Variants in EXOC4 observed in about 807,000 individuals in gnomAD.
The protein encoded by EXOC4 is exocyst complex component 4, also known as SEC8-like 1.
EXOC4 carries 71 observed loss-of-function variants against 107.2 expected under a neutral mutation model. That is an observed-to-expected ratio of 0.66 (90% CI 0.55 to 0.81). The LOEUF (loss-of-function observed/expected upper bound fraction) is 0.81, where lower values mean the gene tolerates loss of function less well. Ranked by LOEUF, EXOC4 falls within the 30% of genes least tolerant of loss-of-function variation. EXOC4 has a pLI of 0.00. For missense variants in EXOC4, 1,108 were observed against 1,189.6 expected (o/e 0.93, Z 1.01); for synonymous variants, 456 against 441.2 (o/e 1.03, Z -0.42).
chr7:133,343,941 A>AT (rs1795726169), intron 5 of EXOC4, among the ~76,000 whole-genome samples: 2 of 151,854 alleles, frequency 1.3e-5, no homozygotes, highest in African/African-American at 4.8e-5. Context: ...AGCCTCCCAG[A>AT]TAGCACTACA....
chr7:133,276,546 T>C lies in EXOC4; in HGVS notation c.276+1375T>C, dbSNP rs1348987643. On this transcript the variant is annotated intron_variant, in intron 2 of 17. Coordinates refer to ENST00000253861, the MANE Select transcript of EXOC4 (RefSeq NM_021807.4). ...TTTTAAAGCAGCAGAAACTTTTTTT[T>C]TTAATGTGATATTTTGCAGAATACC... Among the ~76,000 whole-genome samples the C allele has an allele frequency of 1.3e-4, 20 of 152,290 alleles. No individual in the cohort carries two copies. The East Asian group carries it at 3.7e-3, about 28-fold the overall frequency.
chr7:133,370,947 A>AT (rs1796362514), intron 6 of EXOC4, among the ~76,000 whole-genome samples: 1 of 152,152 alleles, frequency 6.6e-6, no homozygotes, highest in African/African-American at 2.4e-5. Flanking sequence ...AGTTGGGAGA[A>AT]TTTTTTTCAT....
Position 133,312,884 on chromosome 7 carries a change from T to C in EXOC4, c.657-4400T>C, listed in dbSNP as rs1231356145. 2.0e-5 allele frequency among the ~76,000 whole-genome samples: 3 copies of C among 152,102 alleles called. No individual in the cohort carries two copies. The South Asian group carries it at 6.2e-4, about 31-fold the overall frequency. The stretch of plus-strand genomic sequence containing the variant: ...AAGAATTTACACCTTTATAATCGGA[T>C]AAAATTAGTAAAAAGTTGTTTAAAA... On this transcript the variant is annotated intron_variant, in intron 4 of 17. Coordinates refer to ENST00000253861, the MANE Select transcript of EXOC4 (RefSeq NM_021807.4).
chr7:133,384,098 C>T (rs536283483), intron 7 of EXOC4, among the ~76,000 whole-genome samples: 3 of 152,274 alleles, frequency 2.0e-5, no homozygotes, highest in African/African-American at 7.2e-5. Flanking sequence ...AGGGAGATTC[C>T]TCTGGCTTCT....
At chr7:134,024,739 C>T (rs911975563) in intron 17 of EXOC4, among the ~76,000 whole-genome samples, 1 of 152,158 alleles carries the variant, frequency 6.6e-6, no homozygotes, top group Non-Finnish European at 1.5e-5. Flanking sequence ...CTCAGCTTCG[C>T]CCATCAGATG....
intron 10 of EXOC4, among the ~76,000 whole-genome samples, chr7:133,719,114 G>A (rs919313208): frequency 3.9e-5 from 6 of 152,292 alleles, no homozygotes; most frequent in Non-Finnish European, 8.8e-5. Flanking sequence ...TCTTTCTCAT[G>A]CTGTTCTCTC....
At chr7:133,958,640 A>C (rs1800871278) in intron 14 of EXOC4, among the ~76,000 whole-genome samples, 1 of 152,190 alleles carries the variant, frequency 6.6e-6, no homozygotes, top group Non-Finnish European at 1.5e-5. Context: ...AAAGTTAGAG[A>C]ATTGGCATAG....
At chr7:133,946,844 C>CT (rs1800563074) in intron 14 of EXOC4, among the ~76,000 whole-genome samples, 1 of 152,182 alleles carries the variant, frequency 6.6e-6, no homozygotes, top group South Asian at 2.1e-4. Context: ...AGAGTTACCC[C>CT]TTTTTTAAAA....
At chr7:133,454,240 G>T (rs992414288) in intron 7 of EXOC4, among the ~76,000 whole-genome samples, 1 of 152,058 alleles carries the variant, frequency 6.6e-6, no homozygotes, top group Non-Finnish European at 1.5e-5. Flanking sequence ...CATACTAAAA[G>T]AACCTTTTGT....
chr7:134,038,029 A>G (rs1475007807), intron 17 of EXOC4, among the ~76,000 whole-genome samples: 1 of 152,208 alleles, frequency 6.6e-6, no homozygotes, highest in East Asian at 1.9e-4. Flanking sequence ...TTACCTTTAA[A>G]AGGTCAAGAC....
At chr7:133,787,773 T>G (rs1796606195) in intron 10 of EXOC4, among the ~76,000 whole-genome samples, 1 of 151,002 alleles carries the variant, frequency 6.6e-6, no homozygotes, top group African/African-American at 2.4e-5. Context: ...TAATCTTATA[T>G]AAACCTAATT....
intron 10 of EXOC4, among the ~76,000 whole-genome samples, chr7:133,632,980 A>G (rs1266173253): frequency 6.6e-6 from 1 of 152,222 alleles, no homozygotes; most frequent in African/African-American, 2.4e-5. Flanking sequence ...ATTTCAAATG[A>G]AAAACATGAC....
At chr7:133,886,061 C>T (rs184453736) in intron 11 of EXOC4, among the ~76,000 whole-genome samples, 1 of 152,020 alleles carries the variant, frequency 6.6e-6, no homozygotes, top group African/African-American at 2.4e-5. Flanking sequence ...CATTGGGCCT[C>T]GTTAGTATAA....
intron 4 of EXOC4, among the ~76,000 whole-genome samples, chr7:133,308,189 GATT>G (rs1003416097): frequency 6.6e-5 from 10 of 152,182 alleles, no homozygotes; most frequent in African/African-American, 2.4e-4. Context: ...TCAATCCAGT[GATT>G]TTAGGGGTTC....
At chr7:133,733,582 T>C (rs1242380392) in intron 10 of EXOC4, 3 of 152,250 alleles carry the variant, frequency 2.0e-5, no homozygotes, top group African/African-American at 7.2e-5. Flanking sequence ...GCACTTGTTC[T>C]TGGCAACTGC....
At chr7:133,938,734 G>T (rs1468662764) in intron 14 of EXOC4, among the ~76,000 whole-genome samples, 1 of 152,230 alleles carries the variant, frequency 6.6e-6, no homozygotes, top group African/African-American at 2.4e-5. Context: ...ATTACTTCAG[G>T]AGTATGTATA....
chr7:133,473,509 C>G (rs1798932012), intron 7 of EXOC4, among the ~76,000 whole-genome samples: 1 of 151,974 alleles, frequency 6.6e-6, no homozygotes, highest in Non-Finnish European at 1.5e-5. Flanking sequence ...CAGTATTGAC[C>G]CCTTTATTAA....
intron 7 of EXOC4, among the ~76,000 whole-genome samples, chr7:133,438,912 A>T (rs906723917): frequency 6.6e-5 from 10 of 152,214 alleles, no homozygotes; most frequent in Non-Finnish European, 1.5e-4. Flanking sequence ...AGGTCAGTTC[A>T]TTAGTATATT....
intron 11 of EXOC4, among the ~76,000 whole-genome samples, chr7:133,840,565 C>T (rs1252776300): frequency 1.1e-4 from 17 of 151,882 alleles, no homozygotes; most frequent in Non-Finnish European, 1.9e-4. Context: ...AGTGCAGTGG[C>T]GCAATCTCAG....
Sources: allele counts gnomAD v4.1 joint callset (sites outside exome capture counted in the v4.1 genomes callset), GRCh38; gene constraint gnomAD v4.1.1; transcripts MANE v1.5; gene names NCBI Gene and HGNC (gene_info 2026-07-23, HGNC 2026-07-21).